Variants in HDAC9 observed in about 807,000 individuals in gnomAD.
HDAC9 encodes the protein MEF-2 interacting transcription repressor (MITR) protein.
Under a neutral mutation model 139.4 loss-of-function variants are expected in HDAC9, and 41 were observed. The observed-to-expected ratio is 0.29, with a 90% CI of 0.23 to 0.38. The LOEUF is 0.38. HDAC9 is among the 10% of genes least tolerant of loss of function. HDAC9 has a pLI of 1.00. For missense variants in HDAC9, 1,147 were observed against 1,297.0 expected (o/e 0.88, Z 1.78); for synonymous variants, 517 against 476.2 (o/e 1.09, Z -1.12).
At chr7:18,429,774 A>T (rs1790468909) in intron 1 of HDAC9, among the ~76,000 whole-genome samples, 2 of 152,192 alleles carry the variant, frequency 1.3e-5, no homozygotes. Context: ...TTCCTATGCT[A>T]TTTAGATACA....
chr7:18,620,607 T>A (rs1839958237), intron 6 of HDAC9, among the ~76,000 whole-genome samples: 2 of 152,000 alleles, frequency 1.3e-5, no homozygotes, highest in Admixed American at 1.3e-4. Flanking sequence ...GAGTTTCACC[T>A]GAGCCAGCCG....
intron 11 of HDAC9, among the ~76,000 whole-genome samples, chr7:18,660,818 G>A (rs1182944477): frequency 6.6e-6 from 1 of 152,084 alleles, no homozygotes; most frequent in Admixed American, 6.6e-5. Flanking sequence ...CAGGGTAGCT[G>A]GAGCATGTGA....
At chr7:18,281,780 T>C (rs1000715546) in intron 2 of HDAC9, among the ~76,000 whole-genome samples, 1 of 152,202 alleles carries the variant, frequency 6.6e-6, no homozygotes, top group Non-Finnish European at 1.5e-5. Context: ...AAAATAACAT[T>C]TCAAGGTTAG....
At chr7:18,488,066 C>G (rs764329279) in intron 1 of HDAC9, among the ~76,000 whole-genome samples, 6 of 151,914 alleles carry the variant, frequency 3.9e-5, no homozygotes, top group Non-Finnish European at 7.4e-5. Context: ...TTGATTCATA[C>G]CAAGTAGTGA....
intron 16 of HDAC9, among the ~76,000 whole-genome samples, chr7:18,774,561 G>A (rs1562931817): frequency 6.6e-6 from 1 of 152,008 alleles, no homozygotes; most frequent in African/African-American, 2.4e-5. Flanking sequence ...CTTTAAAAAT[G>A]TACATAATTT....
rs954117411 is a variant in HDAC9, at chr7:18,867,989, A to G, written c.2685-6489A>G. Among the ~76,000 whole-genome samples, 22 of 152,060 alleles carry G rather than the reference A, an allele frequency of 1.4e-4. 1 individual carries two copies. The highest frequency in any genetic ancestry group is 5.2e-4 in the Admixed American group (8 of 15,256). ...CCTTGTTCTTTGATTGTTCTTTTTC[A>G]TAACAGCATGTCTTTGTTTCAAGGC... On this transcript the variant is annotated intron_variant, in intron 21 of 25. Coordinates refer to ENST00000686413, the MANE Select transcript of HDAC9 (RefSeq NM_178425.4).
chr7:18,138,759 T>C (rs1307786678), intron 1 of HDAC9, among the ~76,000 whole-genome samples: 1 of 152,070 alleles, frequency 6.6e-6, no homozygotes, highest in Non-Finnish European at 1.5e-5. Flanking sequence ...ATCGCTCACA[T>C]CACAGTGTAA....
chr7:18,151,096 A>G (rs1786746925), intron 1 of HDAC9, among the ~76,000 whole-genome samples: 1 of 152,208 alleles, frequency 6.6e-6, no homozygotes, highest in Non-Finnish European at 1.5e-5. Context: ...GGAATATAAA[A>G]GCAAAGGCTG....
At chr7:18,908,413 T>C (rs1563046549) in intron 22 of HDAC9, among the ~76,000 whole-genome samples, 1 of 152,150 alleles carries the variant, frequency 6.6e-6, no homozygotes, top group Non-Finnish European at 1.5e-5. Flanking sequence ...AATCCCTTCT[T>C]CTAGCTATTG....
In HDAC9 at chr7:18,188,885, A is replaced by T. The variant is rs192480143; in HGVS notation, c.25+26536A>T. 5.3e-5 allele frequency among the ~76,000 whole-genome samples: 8 copies of T among 152,314 alleles called. No homozygotes were observed. The East Asian group carries it at 1.5e-3, about 29-fold the overall frequency. On this transcript the variant is annotated intron_variant, in intron 2 of 12. Coordinates refer to the HDAC9 transcript ENST00000417496. Reference sequence around the variant, plus strand: ...TTTGGAGAAATAGGAATGCTTTTACACTGTTGGTGGGGATGAAAATTAGTT... The same window carrying T: ...TTTGGAGAAATAGGAATGCTTTTACTCTGTTGGTGGGGATGAAAATTAGTT...
intron 1 of HDAC9, among the ~76,000 whole-genome samples, chr7:18,477,367 G>A (rs1384830923): frequency 6.6e-6 from 1 of 152,096 alleles, no homozygotes; most frequent in Non-Finnish European, 1.5e-5. Context: ...AGCAAAGGCT[G>A]ACAAACAGGG....
intron 1 of HDAC9, among the ~76,000 whole-genome samples, chr7:18,356,255 C>T (rs780547090): frequency 8.7e-5 from 13 of 149,642 alleles, no homozygotes; most frequent in Non-Finnish European, 1.9e-4. Flanking sequence ...CACGTTAGGT[C>T]ATACATTTGG....
chr7:18,798,537 T>A (rs1487669977), intron 17 of HDAC9, among the ~76,000 whole-genome samples: 1 of 152,086 alleles, frequency 6.6e-6, no homozygotes, highest in Non-Finnish European at 1.5e-5. Context: ...CAACCTCTGA[T>A]GGGGAGATAA....
At chr7:18,549,538 G>GA (rs1563238354) in intron 2 of HDAC9, among the ~76,000 whole-genome samples, 1 of 151,858 alleles carries the variant, frequency 6.6e-6, no homozygotes, top group African/African-American at 2.4e-5. Flanking sequence ...TATATTGAAG[G>GA]AAAAAAAGCC....
chr7:18,785,551 C>T (rs1278578713), intron 16 of HDAC9, among the ~76,000 whole-genome samples: 2 of 152,030 alleles, frequency 1.3e-5, no homozygotes, highest in South Asian at 4.1e-4. Context: ...TTCTAGGTAC[C>T]ACTTGAAACA....
chr7:18,936,028 T>A, intron 23 of HDAC9, 86 bp downstream of exon 23: 1 of 1,323,724 alleles, frequency 7.6e-7, no homozygotes, highest in Non-Finnish European at 1.0e-6. Flanking sequence ...AAATTCTGCA[T>A]ACTCAGAAAG....
At chr7:18,917,864 T>C (rs950745892) in intron 22 of HDAC9, among the ~76,000 whole-genome samples, 13 of 151,982 alleles carry the variant, frequency 8.6e-5, no homozygotes, top group Admixed American at 8.5e-4. Flanking sequence ...ATGGAAAGCC[T>C]ATTCAGTGCA....
upstream of HDAC9, among the ~76,000 whole-genome samples, chr7:18,285,736 G>A (rs920903257): frequency 2.0e-5 from 3 of 152,148 alleles, no homozygotes; most frequent in African/African-American, 7.2e-5. Flanking sequence ...AGGCACACTG[G>A]AATGCTCCTT....
At chr7:18,600,938 G>A (rs993939266) in intron 6 of HDAC9, among the ~76,000 whole-genome samples, 8 of 152,096 alleles carry the variant, frequency 5.3e-5, no homozygotes, top group African/African-American at 1.9e-4. Context: ...GAGTAGCTTG[G>A]CAGCATAGGC....
Sources: allele counts gnomAD v4.1 joint callset (sites outside exome capture counted in the v4.1 genomes callset), GRCh38; gene constraint gnomAD v4.1.1; transcripts MANE v1.5; gene names NCBI Gene and HGNC (gene_info 2026-07-23, HGNC 2026-07-21).